RBFOX2: variants seen among roughly 807,000 people sequenced by gnomAD.
RBFOX2 encodes the protein RNA binding protein fox-1 homolog 2.
In RBFOX2, 10 loss-of-function variants were observed where a neutral mutation model predicts 49.1. The ratio of observed to expected loss-of-function variants is 0.20; its 90% confidence interval spans 0.13 to 0.35. The LOEUF (loss-of-function observed/expected upper bound fraction) is 0.35, where lower values mean the gene tolerates loss of function less well. RBFOX2 is among the 10% of genes least tolerant of loss of function. RBFOX2 has a pLI of 1.00. For synonymous variants in RBFOX2, 183 were observed against 187.4 expected (o/e 0.98, Z 0.19); for missense variants, 323 against 486.9 (o/e 0.66, Z 3.17).
rs75649440 is a variant in RBFOX2, at chr22:35,931,316, TAAA to T, written c.-34+7528_-34+7530del. Among the ~76,000 whole-genome samples, 257 of 135,298 alleles carry T rather than the reference TAAA, an allele frequency of 1.9e-3. 4 individuals carry two copies. Among genetic ancestry groups the T allele is most frequent in the African/African-American group, 5.1e-3 (185 of 36,306 alleles). 88.8% of individuals were successfully genotyped at this position (135,298 alleles called of 152,430 possible). Reference sequence around the variant, plus strand: ...AGAGCAAAGCAAAAGCATGTTTAGTTAAAAAAAAAAAAAAAAAGAGGATCAGAA... The same window carrying T: ...AGAGCAAAGCAAAAGCATGTTTAGTTAAAAAAAAAAAAAAGAGGATCAGAA... On this transcript the variant is annotated intron_variant, in intron 1 of 13. Coordinates refer to the RBFOX2 transcript ENST00000359369.
Position 35,905,053 on chromosome 22 carries a change from T to A in RBFOX2, c.-34+33794A>T, listed in dbSNP as rs191787072. ...CTAGGTATCCAGAATTCCAAAACAT[T>A]CATTCCAAAATTTTCATCGGCAGGA... On this transcript the variant is annotated intron_variant, in intron 1 of 13. Transcript: ENST00000359369. Among the ~76,000 whole-genome samples, 554 of 152,196 alleles carry A rather than the reference T, an allele frequency of 3.6e-3. 8 individuals carry two copies. Among genetic ancestry groups the A allele is most frequent in the African/African-American group, 0.013 (530 of 41,518 alleles).
chr22:35,863,465 A>T (rs2043325010), intron 1 of RBFOX2, among the ~76,000 whole-genome samples: 1 of 152,144 alleles, frequency 6.6e-6, no homozygotes, highest in African/African-American at 2.4e-5. Flanking sequence ...CTAATCCAAA[A>T]AGGCGGCCAG....
chr22:35,947,671 G>GAAAAAAAAAA (rs2054447665), intron 1 of RBFOX2, among the ~76,000 whole-genome samples: 1 of 8,914 alleles, frequency 1.1e-4, no homozygotes, highest in African/African-American at 6.6e-4. Context: ...AGTTTAAAAA[G>GAAAAAAAAAA]TAAAAAAAAA....
intron 10 of RBFOX2, among the ~76,000 whole-genome samples, chr22:35,746,225 G>A (rs962330989): frequency 6.6e-6 from 1 of 152,202 alleles, no homozygotes; most frequent in Non-Finnish European, 1.5e-5. Context: ...TGGAGATGAG[G>A]AAGAGAGGGA....
intron 1 of RBFOX2, 42 bp downstream of exon 1, chr22:36,028,198 C>A: frequency 6.9e-7 from 1 of 1,443,864 alleles, no homozygotes; most frequent in Admixed American, 2.4e-5. Context: ...GACCCTCACG[C>A]CCACCCCCGC....
At chr22:35,856,631 A>G (rs976988535) in intron 1 of RBFOX2, among the ~76,000 whole-genome samples, 3 of 127,840 alleles carry the variant, frequency 2.3e-5, no homozygotes, top group Admixed American at 7.3e-5. Flanking sequence ...CAGGAGGGGA[A>G]AAAAAAAAAA....
chr22:35,968,779 G>A lies in RBFOX2; in HGVS notation c.187-29882C>T, dbSNP rs569941236. Among the ~76,000 whole-genome samples, 17 of 152,246 alleles carry A rather than the reference G, an allele frequency of 1.1e-4. No individual in the cohort carries two copies. In the South Asian group the frequency reaches 3.5e-3, roughly 32 times the overall value. ...AAACAGACATAGTCCTTCCTCTCAT[G>A]AAGCTCAGTCGAATTGGAGAAAAAG... On this transcript the variant is annotated intron_variant, in intron 1 of 13. Transcript: ENST00000438146.
chr22:35,957,688 A>C (rs2055734135), intron 1 of RBFOX2, among the ~76,000 whole-genome samples: 1 of 152,234 alleles, frequency 6.6e-6, no homozygotes, highest in Admixed American at 6.5e-5. Context: ...AAGGTCACAA[A>C]AACAGGCCTG....
chr22:35,992,191 T>C (rs901023627), intron 1 of RBFOX2: 1 of 152,092 alleles, frequency 6.6e-6, no homozygotes. Flanking sequence ...CTCTGAAATA[T>C]ACAACTCAAA....
intron 1 of RBFOX2, among the ~76,000 whole-genome samples, chr22:35,932,958 A>G (rs1328152695): frequency 2.0e-5 from 3 of 152,248 alleles, no homozygotes; most frequent in African/African-American, 4.8e-5. Flanking sequence ...CAAACAAGAT[A>G]GAAAACTTGA....
intron 5 of RBFOX2, among the ~76,000 whole-genome samples, chr22:35,766,979 G>A (rs750316348): frequency 6.6e-6 from 1 of 152,110 alleles, no homozygotes. Flanking sequence ...AGGGTGTAAC[G>A]GGCAAAGAAA....
exon 2 of RBFOX2, chr22:35,809,955 G>C: frequency 1.2e-6 from 2 of 1,614,126 alleles, no homozygotes; most frequent in South Asian, 1.1e-5. Context: ...TGGGATGGTA[G>C]TAAAAGGCTG....
In RBFOX2 at chr22:35,900,292, T is replaced by C. The variant is rs1012284052; in HGVS notation, c.-34+38555A>G. 9.9e-5 allele frequency among the ~76,000 whole-genome samples: 15 copies of C among 151,992 alleles called. No individual in the cohort carries two copies. In the East Asian group the frequency reaches 2.9e-3, roughly 29 times the overall value. ...CCACACCCAGCTATTTTTGTATTTT[T>C]AGTAGAGACAAGGTTTCACCATGTT... On this transcript the variant is annotated intron_variant, in intron 1 of 13. Coordinates refer to the RBFOX2 transcript ENST00000359369.
At chr22:35,757,726 T>C (rs561869851) in intron 9 of RBFOX2, among the ~76,000 whole-genome samples, 12 of 152,282 alleles carry the variant, frequency 7.9e-5, no homozygotes, top group African/African-American at 2.4e-4. Flanking sequence ...CTAAGTCCCA[T>C]TCATTTTCAT....
Position 35,873,678 on chromosome 22 carries a change from G to A in RBFOX2, c.-33-63674C>T, listed in dbSNP as rs146453577. ...CAAAAGGAGAAAAGCCACTGCCACT[G>A]AGACTGCAGAACAACTAGATAAAAG... On this transcript the variant is annotated intron_variant, in intron 1 of 13. Transcript: ENST00000359369. 3.9e-3 allele frequency among the ~76,000 whole-genome samples: 598 copies of A among 152,252 alleles called. 2 individuals are homozygous for A. The highest frequency in any genetic ancestry group is 0.014 in the African/African-American group (569 of 41,538).
intron 9 of RBFOX2, among the ~76,000 whole-genome samples, chr22:35,751,238 A>G (rs1934799611): frequency 1.3e-5 from 2 of 152,212 alleles, no homozygotes; most frequent in South Asian, 4.1e-4. Flanking sequence ...TTAGGTTTAC[A>G]TTAAAACAGG....
intron 1 of RBFOX2, among the ~76,000 whole-genome samples, chr22:35,871,681 T>C (rs2044372561): frequency 6.6e-6 from 1 of 152,066 alleles, no homozygotes; most frequent in Admixed American, 6.5e-5. Flanking sequence ...AAAAAAGGAA[T>C]TGGGATCCAG....
intron 9 of RBFOX2, among the ~76,000 whole-genome samples, chr22:35,758,862 GC>G (rs1937683719): frequency 3.3e-5 from 5 of 152,110 alleles, no homozygotes; most frequent in Admixed American, 3.3e-4. Context: ...ACACCTCAAG[GC>G]TAAGCCAATT....
At chr22:35,857,790 T>C (rs930453679) in intron 1 of RBFOX2, among the ~76,000 whole-genome samples, 6 of 152,046 alleles carry the variant, frequency 3.9e-5, no homozygotes, top group Non-Finnish European at 7.4e-5. Context: ...AGGCTGAAAA[T>C]AGAACCTTGA....
Sources: gnomAD v4.1 joint callset for allele counts (sites outside exome capture counted in the v4.1 genomes callset) on GRCh38, gnomAD v4.1.1 for gene constraint, MANE v1.5 for transcripts, NCBI Gene and HGNC (gene_info 2026-07-23, HGNC 2026-07-21) for gene names.